The following PGLYRP4 variants were observed in gnomAD, a reference collection of about 807,000 sequenced individuals.
PGLYRP4 encodes PGRP-I-beta.
A neutral mutation model predicts 41.2 loss-of-function variants in PGLYRP4; 39 were observed. The ratio of observed to expected loss-of-function variants is 0.95; its 90% confidence interval spans 0.73 to 1.24. The LOEUF (loss-of-function observed/expected upper bound fraction) is 1.24. Among genes scored for constraint, PGLYRP4 ranks in the 50% most tolerant of loss-of-function variants. The pLI, the probability that PGLYRP4 is intolerant of heterozygous loss-of-function variation, is 0.00. For missense variants in PGLYRP4, 467 were observed against 460.7 expected, an observed-to-expected ratio of 1.01 and a Z score of -0.13; for synonymous variants, 202 against 186.8, an observed-to-expected ratio of 1.08 and a Z score of -0.66.
At position 153,345,166 on chromosome 1, in the gene PGLYRP4, T is replaced by TA; in HGVS notation, c.353+2dup. The TA allele has an allele frequency of 6.2e-7, 1 of 1,603,198 alleles. No homozygotes were observed. Among genetic ancestry groups the TA allele is most frequent in the Non-Finnish European group, 8.5e-7 (1 of 1,174,278 alleles). ...TGCCGTGGGACCCAGACCCAGCTCT[T>TA]ACTTGTAGGCCACATCACACCCACT... is the stretch of plus-strand genomic sequence containing the variant. On this transcript the variant is annotated splice_region_variant and intron_variant, in intron 4 of 8. Coordinates refer to ENST00000359650, the MANE Select transcript of PGLYRP4 (RefSeq NM_020393.4).
chr1:153,337,296 G>C lies in PGLYRP4; in HGVS notation c.828C>G (p.Phe276Leu), dbSNP rs766374485. ...RLKSCDIGYN[F>L]LVGQDGAIYE... Reference sequence around the variant, plus strand: ...AAATGGCGCCATCCTGGCCCACCAGGAAGCTAGAGGACCACAAGGGGAGAT... The same window carrying C: ...AAATGGCGCCATCCTGGCCCACCAGCAAGCTAGAGGACCACAAGGGGAGAT... Residue 276 changes from phenylalanine (F) to leucine (L), a missense_variant, in exon 8 of 9, where the codon TTC (phenylalanine) becomes TTG (leucine). Phe to Leu is a conservative substitution (Grantham distance 22, BLOSUM62 0). Transcript: ENST00000359650. 6.3e-7 allele frequency: 1 copy of C among 1,593,668 alleles called. No homozygotes were observed. The highest frequency in any genetic ancestry group is 8.6e-7 in the Non-Finnish European group (1 of 1,167,328).
intron 8 of PGLYRP4, among the ~76,000 whole-genome samples, chr1:153,334,476 A>ATATT (rs3060120): frequency 6.2e-5 from 4 of 64,958 alleles, no homozygotes; most frequent in East Asian, 2.7e-4. Flanking sequence ...ATTTATATAT[A>ATATT]TTTATATATA....
chr1:153,340,720 C>A (rs983101596), intron 6 of PGLYRP4, 141 bp from the exon 7 acceptor site: 1 of 690,544 alleles, frequency 1.4e-6, no homozygotes, highest in Non-Finnish European at 2.4e-6. Flanking sequence ...AACCACCCTG[C>A]CCCCAACAGT....
rs747128814 is a variant in PGLYRP4 at position 153,340,506 on chromosome 1, C to T, written c.699G>A (p.Ala233=). 5.6e-6 allele frequency: 9 copies of T among 1,614,156 alleles called. No individual in the cohort carries two copies. Among genetic ancestry groups the T allele is most frequent in the South Asian group, 4.4e-5 (4 of 91,090 alleles). The part of the protein sequence containing the change: ...ETHCPRMTLP[A]KYGIIIHTAG... ...CAGTGTGGATAATGATGCCATACTTCGCTGGGAGAGTCATCCTGGGACAGT... is the reference window on the plus strand; with the variant it reads ...CAGTGTGGATAATGATGCCATACTTTGCTGGGAGAGTCATCCTGGGACAGT... The change falls in exon 7 of 9, where the codon GCG becomes GCA. Residue 233 remains alanine, a synonymous_variant. Transcript: ENST00000359650.
At chr1:153,336,657 C>A (rs976357039) in intron 8 of PGLYRP4, among the ~76,000 whole-genome samples, 4 of 151,910 alleles carry the variant, frequency 2.6e-5, no homozygotes, top group Non-Finnish European at 4.4e-5. Flanking sequence ...GTGATGGGTA[C>A]ACTGAAAGCC....
intron 8 of PGLYRP4, among the ~76,000 whole-genome samples, chr1:153,336,206 A>C (rs556252927): frequency 6.6e-6 from 1 of 151,996 alleles, no homozygotes; most frequent in East Asian, 1.9e-4. Flanking sequence ...GCCTGTCTCT[A>C]CTAAAAATGC....
Position 153,346,138 on chromosome 1 carries a change from A to ACTGGAGCCCTTCTGATAC in PGLYRP4, c.102_103insGTATCAGAAGGGCTCCAG (p.Val29_Gln34dup), listed in dbSNP as rs760686004. The ACTGGAGCCCTTCTGATAC allele has an allele frequency of 2.1e-5, 34 of 1,613,910 alleles. No homozygotes were observed. The South Asian group carries it at 3.4e-4, about 16-fold the overall frequency. ...AGCTGGGAGATGTTCTCAAATAGGT[A>ACTGGAGCCCTTCTGATAC]CTGGAGCCCCTCTGATACCTGTTTA... On this transcript the variant is annotated inframe_insertion, in exon 3 of 9. Transcript: ENST00000359650.
Position 153,347,968 on chromosome 1 carries a change from T to G in PGLYRP4, c.-36A>C. The stretch of plus-strand genomic sequence containing the variant: ...TCCCAGGACACCAATCTGGAGAGTG[T>G]GGATGGCAGCCTGAGAGAGACGCTG... On this transcript the variant is annotated 5_prime_UTR_variant, in exon 2 of 9. Transcript: ENST00000359650. The G allele has an allele frequency of 6.4e-7, 1 of 1,567,954 alleles. No homozygotes were observed. Among genetic ancestry groups the G allele is most frequent in the Admixed American group, 1.7e-5 (1 of 59,094 alleles).
Position 153,336,037 on chromosome 1 carries a change from GGTGC to G in PGLYRP4, c.943+1140_943+1143del, listed in dbSNP as rs1294373147. Among the ~76,000 whole-genome samples, 330 of 61,782 alleles carry G rather than the reference GGTGC, an allele frequency of 5.3e-3. 4 individuals carry two copies. Among genetic ancestry groups the G allele is most frequent in the Middle Eastern group, 0.052 (8 of 154 alleles). 40.5% of individuals were successfully genotyped at this position (61,782 alleles called of 152,430 possible). A position where few individuals can be genotyped will look rare whatever the true frequency, so the allele number is the denominator to read the frequency against. ...GGATGACTGAATAAAGAAAAGGTAG[GGTGC>G]GTGCGTGTGTGTGTGTGTGTGTGTG... On this transcript the variant is annotated intron_variant, in intron 8 of 8. Coordinates refer to ENST00000359650, the MANE Select transcript of PGLYRP4 (RefSeq NM_020393.4).
chr1:153,344,725 C>G (rs913020934), intron 4 of PGLYRP4, among the ~76,000 whole-genome samples: 1 of 152,120 alleles, frequency 6.6e-6, no homozygotes, highest in Non-Finnish European at 1.5e-5. Context: ...TGGAGGAGCA[C>G]GCCAGGGATG....
chr1:153,335,334 A>G (rs1351282070), intron 8 of PGLYRP4, among the ~76,000 whole-genome samples: 1 of 152,248 alleles, frequency 6.6e-6, no homozygotes, highest in Non-Finnish European at 1.5e-5. Flanking sequence ...CAAGGAACTC[A>G]AACAACTTTT....
intron 7 of PGLYRP4, among the ~76,000 whole-genome samples, chr1:153,338,569 T>G (rs547832840): frequency 5.9e-5 from 9 of 152,350 alleles, no homozygotes; most frequent in Admixed American, 5.2e-4. Flanking sequence ...TGACATGGAC[T>G]GTGTCTGCCT....
At chr1:153,345,485 C>G (rs1027827304) in intron 3 of PGLYRP4, 103 bp from the exon 4 acceptor site, 1 of 1,017,954 alleles carries the variant, frequency 9.8e-7, no homozygotes, top group Admixed American at 1.8e-5. Context: ...AGTGGAAGAG[C>G]CTTCAGCAGG....
intron 5 of PGLYRP4, among the ~76,000 whole-genome samples, chr1:153,342,229 T>C (rs1251284864): frequency 6.6e-6 from 1 of 152,106 alleles, no homozygotes; most frequent in East Asian, 1.9e-4. Flanking sequence ...GTGCTCAAGA[T>C]CCCAAGCTAA....
Position 153,345,265 on chromosome 1 carries a change from C to A in PGLYRP4, c.257G>T (p.Gly86Val). ...VNVLVIHHVP[G>V]LECHDQTVCS... ...GACTGTCTGGTCGTGACACTCCAGT[C>A]CAGGGACATGGTGTATAACAAGGAC... is the stretch of plus-strand genomic sequence containing the variant. Residue 86 changes from glycine to valine, a missense_variant, in exon 4 of 9, where the codon GGA becomes GTA. Gly to Val is a moderately radical substitution (Grantham distance 109). Coordinates refer to ENST00000359650, the MANE Select transcript of PGLYRP4 (RefSeq NM_020393.4). 6.2e-7 allele frequency: 1 copy of A among 1,614,130 alleles called. No individual in the cohort carries two copies. Among genetic ancestry groups the A allele is most frequent in the Non-Finnish European group, 8.5e-7 (1 of 1,180,010 alleles).
At chr1:153,341,874 C>T in intron 5 of PGLYRP4, 95 bp from the exon 6 acceptor site, 1 of 1,144,708 alleles carries the variant, frequency 8.7e-7, no homozygotes, top group Non-Finnish European at 1.2e-6. Flanking sequence ...CCCTGCACAG[C>T]TGATGGAGAG....
At chr1:153,344,409 C>T (rs996348060) in intron 4 of PGLYRP4, among the ~76,000 whole-genome samples, 2 of 152,200 alleles carry the variant, frequency 1.3e-5, no homozygotes, top group Admixed American at 1.3e-4. Context: ...TGTACATGCG[C>T]TTTAGAACTG....
At chr1:153,347,676 G>C (rs75404325) in intron 2 of PGLYRP4, among the ~76,000 whole-genome samples, 1 of 151,714 alleles carries the variant, frequency 6.6e-6, no homozygotes, top group South Asian at 2.1e-4. Context: ...CTGGCCAAGA[G>C]AGAGTAGTTT....
intron 8 of PGLYRP4, among the ~76,000 whole-genome samples, chr1:153,336,369 C>CAAAAAAAAAAA (rs58665160): frequency 7.8e-5 from 6 of 76,494 alleles, no homozygotes; most frequent in African/African-American, 1.1e-4. Context: ...GACTCCATCT[C>CAAAAAAAAAAA]AAAAAAAAAA....
Sources: allele counts gnomAD v4.1 joint callset (sites outside exome capture counted in the v4.1 genomes callset), GRCh38; gene constraint gnomAD v4.1.1; transcripts MANE v1.5; gene names NCBI Gene and HGNC (gene_info 2026-07-23, HGNC 2026-07-21).